ASB13: variants seen among roughly 807,000 people sequenced by gnomAD.
ASB13 encodes the protein ankyrin repeat and SOCS box protein 13.
A neutral mutation model predicts 28.8 loss-of-function variants in ASB13; 33 were observed. The observed-to-expected ratio is 1.15, with a 90% CI of 0.87 to 1.53. The LOEUF (loss-of-function observed/expected upper bound fraction) is 1.53, where lower values mean the gene tolerates loss of function less well. Among genes scored for constraint, ASB13 ranks in the 40% most tolerant of loss-of-function variants. The pLI, the probability that ASB13 is intolerant of heterozygous loss-of-function variation, is 0.00. For synonymous variants in ASB13, 182 were observed against 172.9 expected (o/e 1.05, Z -0.41); for missense variants, 414 against 390.1 (o/e 1.06, Z -0.52).
At position 5,661,619 on chromosome 10, in the gene ASB13, C is replaced by T. The variant is rs1306529012; in HGVS notation, c.43+4890G>A. On this transcript the variant is annotated intron_variant, in intron 1 of 5. Transcript: ENST00000357700. The surrounding 1 kb of genome is among the most constrained non-coding windows in gnomAD (Gnocchi z 4.9). ...AAGTGATCCTCCCACCTCAGCCTCC[C>T]AAGTAGCTGGGACTACAGGCCCATG... Among the ~76,000 whole-genome samples, 3 of 152,186 alleles carry T rather than the reference C, an allele frequency of 2.0e-5. No individual in the cohort carries two copies. The highest frequency in any genetic ancestry group is 7.2e-5 in the African/African-American group (3 of 41,442).
intron 1 of ASB13, among the ~76,000 whole-genome samples, chr10:5,662,951 C>T (rs925027806): frequency 2.6e-5 from 4 of 152,138 alleles, no homozygotes; most frequent in Non-Finnish European, 5.9e-5. Context: ...AAATATGGAT[C>T]TTTATTTTTC....
Position 5,645,732 on chromosome 10 carries a change from G to C in ASB13, c.517+3238C>G, listed in dbSNP as rs553847980. Among the ~76,000 whole-genome samples, 64 of 152,262 alleles carry C rather than the reference G, an allele frequency of 4.2e-4. No homozygotes were observed. Among genetic ancestry groups the C allele is most frequent in the Middle Eastern group, 3.4e-3 (1 of 294 alleles). Reference sequence around the variant, plus strand: ...AAAGTTTGGGCAAAGGGACTGGGGAGGGGTGCAGGAAAAGGGACTTTCCAC... The same window carrying C: ...AAAGTTTGGGCAAAGGGACTGGGGACGGGTGCAGGAAAAGGGACTTTCCAC... On this transcript the variant is annotated intron_variant, in intron 4 of 5. Coordinates refer to ENST00000357700, the MANE Select transcript of ASB13 (RefSeq NM_024701.4). This position sits in a 1 kb window ranked among gnomAD's most constrained non-coding sequence, Gnocchi z 5.4.
Position 5,649,333 on chromosome 10 carries a change from C to G in ASB13, c.383-229G>C, listed in dbSNP as rs11256947. 3.9e-5 allele frequency among the ~76,000 whole-genome samples: 6 copies of G among 152,100 alleles called. No homozygotes were observed. Among genetic ancestry groups the G allele is most frequent in the Non-Finnish European group, 8.8e-5 (6 of 67,954 alleles). ...GGAGGGCTCAAGGCAGTGGGAGAAACGGGCCTGGCCGGCTTCTTGCTGTGA... is the reference window on the plus strand; with the variant it reads ...GGAGGGCTCAAGGCAGTGGGAGAAAGGGGCCTGGCCGGCTTCTTGCTGTGA... On this transcript the variant is annotated intron_variant, in intron 3 of 5. Transcript: ENST00000357700. This position sits in a 1 kb window ranked among gnomAD's most constrained non-coding sequence, Gnocchi z 6.4.
intron 4 of ASB13, among the ~76,000 whole-genome samples, chr10:5,648,320 C>A (rs1834920482): frequency 1.3e-5 from 2 of 148,176 alleles, no homozygotes; most frequent in African/African-American, 5.0e-5. Context: ...CTCAGGCAAA[C>A]ACCCCCTCGG....
At position 5,658,859 on chromosome 10, in the gene ASB13, C is replaced by G. The variant is rs1267571727; in HGVS notation, c.44-5809G>C. Among the ~76,000 whole-genome samples the G allele has an allele frequency of 2.6e-5, 4 of 152,170 alleles. No homozygotes were observed. Among genetic ancestry groups the G allele is most frequent in the Admixed American group, 2.6e-4 (4 of 15,278 alleles). ...GGAGGGATAGAAGGCTAGAGGACAG[C>G]AGGTGCCTGGGGTGCACCTCGTCAC... On this transcript the variant is annotated intron_variant, in intron 1 of 5. Transcript: ENST00000357700. The surrounding 1 kb of genome is among the most constrained non-coding windows in gnomAD (Gnocchi z 4.2).
Position 5,651,234 on chromosome 10 carries a change from G to A in ASB13, c.361C>T (p.Leu121=). 6.2e-7 allele frequency: 1 copy of A among 1,612,144 alleles called. No individual in the cohort carries two copies. The highest frequency in any genetic ancestry group is 2.2e-5 in the East Asian group (1 of 44,700). ...TCACCGCTCATGCAGGCCTCGTGCAGGGGGGACGCTGTGTACAGGGGAGGG... is the reference window on the plus strand; with the variant it reads ...TCACCGCTCATGCAGGCCTCGTGCAAGGGGGACGCTGTGTACAGGGGAGGG... ...VNPPLYTASP[L]HEACMSGSSE... is the part of the protein sequence containing the mutation. Residue 121 remains leucine (L), a synonymous_variant, in exon 3 of 6, where the codon CTG becomes TTG. Transcript: ENST00000357700. The surrounding 1 kb of genome is among the most constrained non-coding windows in gnomAD (Gnocchi z 5.1).
At chr10:5,666,455 CCT>C in intron 1 of ASB13, 52 bp downstream of exon 1, 1 of 1,266,134 alleles carries the variant, frequency 7.9e-7, no homozygotes, top group Non-Finnish European at 1.0e-6. Flanking sequence ...ACGCGGCCGG[CCT>C]CAGGAGCCGG....
At position 5,652,006 on chromosome 10, in the gene ASB13, A is replaced by G. The variant is rs2131449766; in HGVS notation, c.232-643T>C. ...GACAGAGAAAGACCTTATCTCAAAA[A>G]AAAAAAAAAAAAAAAAAAACCACAC... is the stretch of plus-strand genomic sequence containing the variant. On this transcript the variant is annotated intron_variant, in intron 2 of 5. Coordinates refer to ENST00000357700, the MANE Select transcript of ASB13 (RefSeq NM_024701.4). The surrounding 1 kb of genome is among the most constrained non-coding windows in gnomAD (Gnocchi z 5.0). Among the ~76,000 whole-genome samples, 1 of 43,864 alleles carries G rather than the reference A, an allele frequency of 2.3e-5. No individual in the cohort carries two copies. Among genetic ancestry groups the G allele is most frequent in the South Asian group, 8.8e-4 (1 of 1,136 alleles). The allele number at this position is 43,864 out of a possible 152,430, so 28.8% of individuals were successfully genotyped here.
chr10:5,649,943 G>A lies in ASB13; in HGVS notation c.383-839C>T, dbSNP rs952458752. On this transcript the variant is annotated intron_variant, in intron 3 of 5. Transcript: ENST00000357700. This position sits in a 1 kb window ranked among gnomAD's most constrained non-coding sequence, Gnocchi z 6.4. ...ATTCCGTCTAGGCTCCAACCTTTCCGTTCACTCAATTACCTCTTCACTGTT... is the reference window on the plus strand; with the variant it reads ...ATTCCGTCTAGGCTCCAACCTTTCCATTCACTCAATTACCTCTTCACTGTT... Among the ~76,000 whole-genome samples, 2 of 151,976 alleles carry A rather than the reference G, an allele frequency of 1.3e-5. No individual in the cohort carries two copies. Among genetic ancestry groups the A allele is most frequent in the Admixed American group, 6.6e-5 (1 of 15,260 alleles).
At chr10:5,647,139 G>C (rs540932437) in intron 4 of ASB13, among the ~76,000 whole-genome samples, 7 of 152,268 alleles carry the variant, frequency 4.6e-5, no homozygotes, top group South Asian at 4.2e-4. Flanking sequence ...TGTTCTTGTT[G>C]TTAAGAGAAG....
chr10:5,643,407 G>A (rs1834838265), intron 4 of ASB13, among the ~76,000 whole-genome samples: 1 of 152,128 alleles, frequency 6.6e-6, no homozygotes, highest in African/African-American at 2.4e-5. Flanking sequence ...CATTCGTGGA[G>A]GGATCCTAAG....
At chr10:5,666,378 C>A in intron 1 of ASB13, 131 bp downstream of exon 1, 1 of 773,064 alleles carries the variant, frequency 1.3e-6, no homozygotes, top group South Asian at 5.1e-5. Flanking sequence ...GCCCACCCCG[C>A]CAAACGCCCC....
In ASB13 at chr10:5,661,286, G is replaced by A. The variant is rs1161136655; in HGVS notation, c.43+5223C>T. ...GCGGGCCTCACTTGACCCACACAGG[G>A]ACTGCAACCATAAAAGCAGCAGAGC... On this transcript the variant is annotated intron_variant, in intron 1 of 5. Transcript: ENST00000357700. The surrounding 1 kb of genome is among the most constrained non-coding windows in gnomAD (Gnocchi z 4.9). Among the ~76,000 whole-genome samples, 1 of 152,106 alleles carries A rather than the reference G, an allele frequency of 6.6e-6. No homozygotes were observed. Among genetic ancestry groups the A allele is most frequent in the African/African-American group, 2.4e-5 (1 of 41,420 alleles).
chr10:5,639,075 C>T lies in ASB13; in HGVS notation c.*1628G>A, dbSNP rs1132293. Reference sequence around the variant, plus strand: ...CAGAACTGGTAACTAAGGCGGTGATCAAACAGGAATGCTTTTCTTCTCAGT... The same window carrying T: ...CAGAACTGGTAACTAAGGCGGTGATTAAACAGGAATGCTTTTCTTCTCAGT... On this transcript the variant is annotated 3_prime_UTR_variant, in exon 6 of 6. Transcript: ENST00000357700. 0.23 allele frequency: 35,795 copies of T among 152,460 alleles called. 4,261 individuals carry two copies. Among genetic ancestry groups the T allele is most frequent in the Middle Eastern group, 0.28 (82 of 292 alleles). The allele number at this position is 152,460 out of a possible 1,614,324, so 9.4% of individuals were successfully genotyped here.
chr10:5,651,527 C>T lies in ASB13; in HGVS notation c.232-164G>A, dbSNP rs535808245. The T allele has an allele frequency of 2.2e-5, 16 of 733,896 alleles. No individual in the cohort carries two copies. Among genetic ancestry groups the T allele is most frequent in the African/African-American group, 3.6e-5 (2 of 55,916 alleles). 45.5% of individuals were successfully genotyped at this position (733,896 alleles called of 1,614,324 possible). A position where few individuals can be genotyped will look rare whatever the true frequency, so the allele number is the denominator to read the frequency against. On this transcript the variant is annotated intron_variant, in intron 2 of 5. Coordinates refer to ENST00000357700, the MANE Select transcript of ASB13 (RefSeq NM_024701.4). This position sits in a 1 kb window ranked among gnomAD's most constrained non-coding sequence, Gnocchi z 5.1. The stretch of plus-strand genomic sequence containing the variant: ...CACTGAAAGAGATAGCACGTGGCTG[C>T]GGAGCACCGACGGCCTCCTGAGTAG...
intron 4 of ASB13, among the ~76,000 whole-genome samples, chr10:5,647,188 G>A (rs1203148677): frequency 6.6e-6 from 1 of 152,136 alleles, no homozygotes; most frequent in Non-Finnish European, 1.5e-5. Flanking sequence ...GAAACTCCCG[G>A]GCTCAAGCAA....
intron 1 of ASB13, among the ~76,000 whole-genome samples, chr10:5,662,949 A>T (rs1244021251): frequency 4.6e-5 from 7 of 152,112 alleles, no homozygotes; most frequent in Admixed American, 4.6e-4. Context: ...AAAAATATGG[A>T]TCTTTATTTT....
At position 5,660,916 on chromosome 10, in the gene ASB13, G is replaced by A. The variant is rs139988314; in HGVS notation, c.43+5593C>T. ...ACCCAGCAGTGTGCCGGGCCATCTCGCCAGCTGGCTGCTGCACAGCCAGGT... is the reference window on the plus strand; with the variant it reads ...ACCCAGCAGTGTGCCGGGCCATCTCACCAGCTGGCTGCTGCACAGCCAGGT... On this transcript the variant is annotated intron_variant, in intron 1 of 5. Coordinates refer to ENST00000357700, the MANE Select transcript of ASB13 (RefSeq NM_024701.4). This position sits in a 1 kb window ranked among gnomAD's most constrained non-coding sequence, Gnocchi z 6.1. Among the ~76,000 whole-genome samples, 179 of 152,286 alleles carry A rather than the reference G, an allele frequency of 1.2e-3. 2 individuals carry two copies. The East Asian group carries it at 0.025, about 22-fold the overall frequency.
chr10:5,648,677 C>G (rs940922035), intron 4 of ASB13, among the ~76,000 whole-genome samples: 4 of 151,486 alleles, frequency 2.6e-5, no homozygotes, highest in Non-Finnish European at 4.4e-5. Context: ...CAAACACCCC[C>G]TCGGGTAAAC....
Sources: allele counts gnomAD v4.1 joint callset (sites outside exome capture counted in the v4.1 genomes callset), GRCh38; gene constraint gnomAD v4.1.1; non-coding constraint Gnocchi (gnomAD v3.1); transcripts MANE v1.5; gene names NCBI Gene and HGNC (gene_info 2026-07-23, HGNC 2026-07-21).